The following ESPNL variants were observed in gnomAD, a reference collection of about 807,000 sequenced individuals.
ESPNL encodes the protein espin like, also known as espin-like protein.
A neutral mutation model predicts 46.8 loss-of-function variants in ESPNL; 49 were observed. The observed-to-expected ratio is 1.05, with a 90% CI of 0.83 to 1.33. ESPNL has a LOEUF of 1.33. Ranked by LOEUF, ESPNL falls within the 40% of genes most tolerant of loss-of-function variation. ESPNL has a pLI of 0.00. For missense variants in ESPNL, 1,540 were observed against 1,436.6 expected (o/e 1.07, Z -1.16); for synonymous variants, 664 against 662.1 (o/e 1.00, Z -0.04).
rs568365497 is a variant in ESPNL at position 238,131,759 on chromosome 2, T to G, written c.*27T>G. ...CCTACTGGCAGCCTGCTTTCCAGAA[T>G]GTGGTTTGGGGGTGACTTGGAGTTT... is the stretch of plus-strand genomic sequence containing the variant. On this transcript the variant is annotated 3_prime_UTR_variant, in exon 9 of 9. Coordinates refer to ENST00000343063, the MANE Select transcript of ESPNL (RefSeq NM_194312.4). The G allele has an allele frequency of 1.9e-5, 30 of 1,555,544 alleles. No individual in the cohort carries two copies. The highest frequency in any genetic ancestry group is 1.7e-4 in the Middle Eastern group (1 of 5,818).
intron 5 of ESPNL, among the ~76,000 whole-genome samples, chr2:238,123,150 G>A (rs1320841394): frequency 6.6e-6 from 1 of 152,218 alleles, no homozygotes; most frequent in Non-Finnish European, 1.5e-5. Flanking sequence ...ACACGCCGTT[G>A]CTCAGCAGAC....
At chr2:238,101,240 A>T (rs1200964661) in intron 1 of ESPNL, among the ~76,000 whole-genome samples, 1 of 151,730 alleles carries the variant, frequency 6.6e-6, no homozygotes, top group African/African-American at 2.4e-5. Flanking sequence ...TGGAGCTTTC[A>T]GGGCTGAGGG....
At chr2:238,102,156 G>A (rs776058666) in intron 2 of ESPNL, 25 bp downstream of exon 2, 43 of 1,508,116 alleles carry the variant, frequency 2.9e-5, no homozygotes, top group Admixed American at 6.2e-5. Flanking sequence ...GTCCCGCCTG[G>A]GGGGGCAGCC....
rs746067937 is a variant in ESPNL, at chr2:238,100,578, G to T, written c.159G>T (p.Lys53Asn). The change falls in exon 1 of 9, where the codon AAG (lysine) becomes AAT (asparagine). Residue 53 changes from lysine to asparagine, a missense_variant. Coordinates refer to ENST00000343063, the MANE Select transcript of ESPNL (RefSeq NM_194312.4). ...GGGCTGGCCACCTGGACTGCGTCAAGTTCTTGGTGCAGCGGGCCCAGCTGC... is the reference window on the plus strand; with the variant it reads ...GGGCTGGCCACCTGGACTGCGTCAATTTCTTGGTGCAGCGGGCCCAGCTGC... ...ATRAGHLDCVKFLVQRAQLPG... is the reference protein window; with the variant it reads ...ATRAGHLDCVNFLVQRAQLPG... 1.3e-6 allele frequency: 2 copies of T among 1,574,474 alleles called. No individual in the cohort carries two copies. The highest frequency in any genetic ancestry group is 8.6e-7 in the Non-Finnish European group (1 of 1,162,600).
rs1408222754 is a variant in ESPNL, at chr2:238,126,144, TTG to T, written c.1102+764_1102+765del. On this transcript the variant is annotated intron_variant, in intron 6 of 8. Transcript: ENST00000343063. ...ATTGATTGTGTCTGTGTCTGTGTGATTGTGTCTGTGTGCATCTGTGTGTGATT... is the reference window on the plus strand; with the variant it reads ...ATTGATTGTGTCTGTGTCTGTGTGATTGTCTGTGTGCATCTGTGTGTGATT... Among the ~76,000 whole-genome samples the T allele has an allele frequency of 7.3e-5, 11 of 151,062 alleles. No individual in the cohort carries two copies. The East Asian group carries it at 1.8e-3, about 24-fold the overall frequency.
chr2:238,101,480 GAGAAGGCCCA>G (rs1362798082), intron 1 of ESPNL, among the ~76,000 whole-genome samples: 1 of 152,184 alleles, frequency 6.6e-6, no homozygotes, highest in African/African-American at 2.4e-5. Flanking sequence ...AGGGCCCTTG[GAGAAGGCCCA>G]GGTCTGCTGG....
chr2:238,119,734 C>T (rs1487414118), intron 5 of ESPNL, among the ~76,000 whole-genome samples: 7 of 152,056 alleles, frequency 4.6e-5, no homozygotes, highest in African/African-American at 1.5e-4. Flanking sequence ...CCCTTCTTTT[C>T]GGGTGAGGGG....
chr2:238,107,488 C>T (rs1215960206), intron 3 of ESPNL, among the ~76,000 whole-genome samples: 1 of 147,270 alleles, frequency 6.8e-6, no homozygotes, highest in Non-Finnish European at 1.5e-5. Flanking sequence ...ATAGCAAACA[C>T]ATGTTTACTC....
At chr2:238,127,280 A>C in intron 6 of ESPNL, 2 of 965,902 alleles carry the variant, frequency 2.1e-6, no homozygotes, top group Non-Finnish European at 2.6e-6. Context: ...GGCAGGGAGC[A>C]TTGCAGGCAG....
chr2:238,109,213 C>A lies in ESPNL; in HGVS notation c.855+1240C>A, dbSNP rs763487857. ...CTCAGAAGGGGTAAGTGGCCCCTGG[C>A]CAGGGGTTTTTAAGCTTTTTTAAAG... On this transcript the variant is annotated intron_variant, in intron 4 of 8. Transcript: ENST00000343063. 2.3e-4 allele frequency among the ~76,000 whole-genome samples: 35 copies of A among 152,230 alleles called. 1 individual carries two copies. The highest frequency in any genetic ancestry group is 4.4e-4 in the Non-Finnish European group (30 of 68,000).
intron 5 of ESPNL, among the ~76,000 whole-genome samples, chr2:238,121,124 C>T (rs1574739329): frequency 1.3e-5 from 2 of 152,288 alleles, no homozygotes; most frequent in South Asian, 4.1e-4. Flanking sequence ...CTCCCTGGGC[C>T]TTGGGGCCCC....
intron 4 of ESPNL, among the ~76,000 whole-genome samples, chr2:238,109,629 T>A (rs929257660): frequency 6.6e-6 from 1 of 152,276 alleles, no homozygotes; most frequent in East Asian, 1.9e-4. Flanking sequence ...AGTGCTGGGA[T>A]GACAGGTGTG....
At chr2:238,119,164 AG>A (rs1691913611) in intron 5 of ESPNL, among the ~76,000 whole-genome samples, 1 of 42,964 alleles carries the variant, frequency 2.3e-5, no homozygotes, top group Non-Finnish European at 4.7e-5. Context: ...GGAGGAGGGG[AG>A]ATGGAGGAGG....
intron 4 of ESPNL, among the ~76,000 whole-genome samples, chr2:238,116,036 G>A (rs942121946): frequency 2.0e-5 from 3 of 152,230 alleles, no homozygotes; most frequent in Admixed American, 6.5e-5. Context: ...GGCCCAGCTG[G>A]TCTATCTCAG....
Position 238,100,473 on chromosome 2 carries a change from G to C in ESPNL, c.54G>C (p.Leu18Phe). ...VAAKDGDVAT[L>F]ERLLEAGALG... ...CCAAGGATGGGGATGTGGCGACGTTGGAGCGGCTGCTGGAGGCTGGCGCCC... is the reference window on the plus strand; with the variant it reads ...CCAAGGATGGGGATGTGGCGACGTTCGAGCGGCTGCTGGAGGCTGGCGCCC... Residue 18 changes from leucine to phenylalanine, a missense_variant, in exon 1 of 9, where the codon TTG becomes TTC. Coordinates refer to ENST00000343063, the MANE Select transcript of ESPNL (RefSeq NM_194312.4). The C allele has an allele frequency of 6.2e-7, 1 of 1,604,376 alleles. No homozygotes were observed. The highest frequency in any genetic ancestry group is 8.5e-7 in the Non-Finnish European group (1 of 1,177,606).
rs145589748 is a variant in ESPNL, at chr2:238,130,388, G to T, written c.1674G>T (p.Ala558=). Residue 558 remains alanine (A), a synonymous_variant, in exon 9 of 9, where the codon GCG becomes GCT. Transcript: ENST00000343063. ...ITVNSHFLPR[A]PGLEVEEASI... ...TCAACAGCCACTTCCTGCCCCGGGC[G>T]CCCGGACTGGAGGTTGAGGAGGCCT... 5 of 1,610,698 alleles carry T rather than the reference G, an allele frequency of 3.1e-6. No individual in the cohort carries two copies. The East Asian group carries it at 8.9e-5, about 29-fold the overall frequency.
intron 1 of ESPNL, among the ~76,000 whole-genome samples, chr2:238,101,153 C>G (rs1691464269): frequency 6.6e-6 from 1 of 152,332 alleles, no homozygotes; most frequent in East Asian, 1.9e-4. Context: ...ATCGTTTCTA[C>G]TGGGCCCCCC....
intron 6 of ESPNL, chr2:238,127,374 G>A: frequency 1.6e-6 from 2 of 1,282,462 alleles, no homozygotes; most frequent in South Asian, 4.9e-5. Flanking sequence ...TGCAGGAGGG[G>A]CCGCGGCGTG....
At position 238,130,896 on chromosome 2, in the gene ESPNL, G is replaced by A. The variant is rs1167993827; in HGVS notation, c.2182G>A (p.Ala728Thr). The change falls in exon 9 of 9, where the codon GCA (alanine) becomes ACA (threonine). Residue 728 changes from alanine to threonine, a missense_variant. Coordinates refer to ENST00000343063, the MANE Select transcript of ESPNL (RefSeq NM_194312.4). The part of the protein sequence containing the change: ...CEEVPSEAGA[A>T]AGPDLASLRK... ...GGAGGTGCCATCAGAGGCGGGTGCC[G>A]CAGCCGGCCCAGACCTGGCCAGCCT... is the stretch of plus-strand genomic sequence containing the variant. 6 of 1,544,990 alleles carry A rather than the reference G, an allele frequency of 3.9e-6. No homozygotes were observed. The highest frequency in any genetic ancestry group is 2.4e-5 in the East Asian group (1 of 41,296).
Sources: allele counts gnomAD v4.1 joint callset (sites outside exome capture counted in the v4.1 genomes callset), GRCh38; gene constraint gnomAD v4.1.1; transcripts MANE v1.5; gene names NCBI Gene and HGNC (gene_info 2026-07-23, HGNC 2026-07-21).